The following APAF1 variants were observed in gnomAD, a reference collection of about 807,000 sequenced individuals.
The protein encoded by APAF1 is apoptotic protease-activating factor 1.
Under a neutral mutation model 152.4 loss-of-function variants are expected in APAF1, and 91 were observed. The ratio of observed to expected loss-of-function variants is 0.60; its 90% CI spans 0.50 to 0.71. APAF1 has a LOEUF of 0.71. Ranked by LOEUF, APAF1 falls within the 30% of genes least tolerant of loss-of-function variation. APAF1 has a pLI of 0.00. For missense variants in APAF1, 1,283 were observed against 1,472.0 expected (o/e 0.87, Z 2.10); for synonymous variants, 484 against 494.1 (o/e 0.98, Z 0.27).
intron 11 of APAF1, 138 bp from the exon 12 acceptor site, chr12:98,671,397 C>G: frequency 1.2e-6 from 1 of 806,060 alleles, no homozygotes; most frequent in Non-Finnish European, 2.1e-6. Flanking sequence ...ATATTTGTTA[C>G]TTAATGGTTG....
intron 5 of APAF1, among the ~76,000 whole-genome samples, chr12:98,660,861 C>G (rs1427582214): frequency 6.6e-6 from 1 of 152,112 alleles, no homozygotes; most frequent in Non-Finnish European, 1.5e-5. Flanking sequence ...GGCAGTGATT[C>G]TCAAATTGGT....
intron 20 of APAF1, among the ~76,000 whole-genome samples, chr12:98,712,067 A>G (rs1390223749): frequency 9.9e-5 from 15 of 152,240 alleles, no homozygotes; most frequent in Admixed American, 9.8e-4. Flanking sequence ...CGGGCGCAGC[A>G]GCTGCTTTTT....
intron 21 of APAF1, among the ~76,000 whole-genome samples, 193 bp from the exon 22 acceptor site, chr12:98,715,234 G>GTATATA (rs2097732837): frequency 5.1e-5 from 3 of 58,326 alleles, no homozygotes; most frequent in South Asian, 5.4e-4. Flanking sequence ...TACATGGTGT[G>GTATATA]CATATATATA....
At chr12:98,681,990 G>T (rs1381603868) in intron 14 of APAF1, among the ~76,000 whole-genome samples, 2 of 149,886 alleles carry the variant, frequency 1.3e-5, no homozygotes, top group Non-Finnish European at 3.0e-5. Flanking sequence ...TTTGTTTGTT[G>T]TTATATGGCA....
chr12:98,689,570 C>T (rs781228664), intron 16 of APAF1, among the ~76,000 whole-genome samples: 13 of 152,130 alleles, frequency 8.5e-5, no homozygotes, highest in East Asian at 1.9e-4. Flanking sequence ...AGTGATCCTC[C>T]TGCCTCAACC....
intron 16 of APAF1, among the ~76,000 whole-genome samples, chr12:98,687,390 A>G (rs1001008468): frequency 6.6e-6 from 1 of 151,706 alleles, no homozygotes; most frequent in Non-Finnish European, 1.5e-5. Context: ...TCTGTAATGT[A>G]GAATTTTTAT....
intron 22 of APAF1, among the ~76,000 whole-genome samples, chr12:98,719,582 G>C (rs1593110443): frequency 6.6e-6 from 1 of 150,408 alleles, no homozygotes; most frequent in East Asian, 2.0e-4. Context: ...TCGATCTCTT[G>C]ACCTTGTGAT....
intron 14 of APAF1, among the ~76,000 whole-genome samples, chr12:98,682,077 G>A (rs1264852838): frequency 2.2e-5 from 3 of 137,190 alleles, no homozygotes; most frequent in Admixed American, 7.4e-5. Flanking sequence ...TTTTTGAGAC[G>A]GAGTCTCGCT....
intron 4 of APAF1, among the ~76,000 whole-genome samples, chr12:98,653,666 AAAAAAAAAAAAAAAAAAAAAAAAAAAT>A (rs2097651803): frequency 7.0e-5 from 2 of 28,738 alleles, no homozygotes; most frequent in Non-Finnish European, 1.4e-4. Flanking sequence ...CAAAAAAAAA[AAAAAAAAAAAAAAAAAAAAAAAAAAAT>A]ATATATATAT....
rs972168008 is a variant in APAF1 at position 98,673,469 on chromosome 12, C to G, written c.1793+1750C>G. Among the ~76,000 whole-genome samples the G allele has an allele frequency of 5.4e-5, 8 of 148,112 alleles. No individual in the cohort carries two copies. The East Asian group carries it at 1.5e-3, about 29-fold the overall frequency. ...AAAAAAAAAAAAACAAAAAAAAAAC[C>G]TTGGGTCTGCCTGGCTTTATTTTGC... On this transcript the variant is annotated intron_variant, in intron 12 of 26. Transcript: ENST00000551964.
At chr12:98,716,441 A>G (rs1352689937) in intron 22 of APAF1, among the ~76,000 whole-genome samples, 1 of 152,224 alleles carries the variant, frequency 6.6e-6, no homozygotes, top group African/African-American at 2.4e-5. Context: ...CCTTAACGCA[A>G]TTTAGGAAAA....
chr12:98,709,207 A>G (rs1452330868), intron 20 of APAF1, among the ~76,000 whole-genome samples: 1 of 152,202 alleles, frequency 6.6e-6, no homozygotes, highest in African/African-American at 2.4e-5. Flanking sequence ...TTCAGTAAAT[A>G]TTTATTGAAT....
intron 18 of APAF1, 125 bp downstream of exon 18, chr12:98,703,624 A>T: frequency 8.2e-7 from 1 of 1,225,078 alleles, no homozygotes; most frequent in Non-Finnish European, 1.2e-6. Flanking sequence ...TATTTTCTTT[A>T]TAGCCTAATG....
chr12:98,692,097 T>A (rs1302150288), intron 16 of APAF1, among the ~76,000 whole-genome samples: 1 of 152,234 alleles, frequency 6.6e-6, no homozygotes, highest in Non-Finnish European at 1.5e-5. Context: ...ATTATTATTT[T>A]TTTTAGACAG....
intron 20 of APAF1, among the ~76,000 whole-genome samples, chr12:98,711,849 T>TTTTTTTTTTTTTTTTTTTTTTTTTTTTG (rs1418875681): frequency 6.6e-6 from 1 of 152,236 alleles, no homozygotes; most frequent in Non-Finnish European, 1.5e-5. Flanking sequence ...AATCTTAATT[T>TTTTTTTTTTTTTTTTTTTTTTTTTTTTG]ACACTGTTTT....
intron 5 of APAF1, among the ~76,000 whole-genome samples, chr12:98,661,791 A>T (rs895812278): frequency 6.6e-6 from 1 of 151,922 alleles, no homozygotes; most frequent in Non-Finnish European, 1.5e-5. Context: ...ATAGTGTGTC[A>T]TTCAGACAAA....
intron 10 of APAF1, among the ~76,000 whole-genome samples, chr12:98,670,078 G>A (rs1431852012): frequency 6.6e-6 from 1 of 152,060 alleles, no homozygotes; most frequent in Non-Finnish European, 1.5e-5. Context: ...CTGAGTAGCT[G>A]GGAGCACGGG....
chr12:98,704,200 AG>A (rs1483526999), intron 18 of APAF1, among the ~76,000 whole-genome samples: 8 of 152,104 alleles, frequency 5.3e-5, no homozygotes, highest in Non-Finnish European at 1.2e-4. Flanking sequence ...CTTGGCCTCA[AG>A]CAATACTCCC....
At chr12:98,656,804 G>T (rs924462147) in intron 4 of APAF1, among the ~76,000 whole-genome samples, 2 of 152,184 alleles carry the variant, frequency 1.3e-5, no homozygotes, top group African/African-American at 4.8e-5. Flanking sequence ...ACCAGGAAAT[G>T]GGTGGGCGTT....
Sources: allele counts gnomAD v4.1 joint callset (sites outside exome capture counted in the v4.1 genomes callset), GRCh38; gene constraint gnomAD v4.1.1; transcripts MANE v1.5; gene names NCBI Gene and HGNC (gene_info 2026-07-23, HGNC 2026-07-21).